Variants in CDH4 observed in about 807,000 individuals in gnomAD.
CDH4 encodes cadherin-4.
Under a neutral mutation model 86.0 loss-of-function variants are expected in CDH4, and 33 were observed. That is an observed-to-expected ratio of 0.38 (90% CI 0.29 to 0.51). The LOEUF (loss-of-function observed/expected upper bound fraction) is 0.51, where lower values mean the gene tolerates loss of function less well. Ranked by LOEUF, CDH4 falls within the 20% of genes least tolerant of loss-of-function variation. CDH4 has a pLI of 0.86. For missense variants in CDH4, 1,114 were observed against 1,307.4 expected (o/e 0.85, Z 2.28); for synonymous variants, 555 against 549.4 (o/e 1.01, Z -0.14).
intron 2 of CDH4, among the ~76,000 whole-genome samples, chr20:61,261,851 G>A (rs983203937): frequency 6.6e-6 from 1 of 152,196 alleles, no homozygotes; most frequent in African/African-American, 2.4e-5. Flanking sequence ...ACTGAAGTGG[G>A]TCTAAACTCT....
intron 2 of CDH4, among the ~76,000 whole-genome samples, chr20:61,423,379 C>G (rs775508553): frequency 1.3e-5 from 2 of 152,170 alleles, no homozygotes; most frequent in African/African-American, 4.8e-5. Flanking sequence ...AATATCATGT[C>G]CCCCTCATTG....
rs1324386709 is a variant in CDH4, at chr20:61,663,651, C to T, written c.170-79912C>T. ...GACCATCTTGGCTGCCCAGGGGAAG[C>T]GGGGACTCGAGGAGAGCAGGGAGTG... On this transcript the variant is annotated intron_variant, in intron 2 of 15. Transcript: ENST00000614565. This position sits in a 1 kb window ranked among gnomAD's most constrained non-coding sequence, Gnocchi z 5.0. 6.6e-6 allele frequency among the ~76,000 whole-genome samples: 1 copy of T among 151,970 alleles called. No homozygotes were observed. The highest frequency in any genetic ancestry group is 1.5e-5 in the Non-Finnish European group (1 of 68,006).
chr20:61,841,090 G>A (rs1241047936), intron 4 of CDH4, among the ~76,000 whole-genome samples: 3 of 152,190 alleles, frequency 2.0e-5, no homozygotes, highest in Non-Finnish European at 4.4e-5. Context: ...GGCTGCTGCA[G>A]ACCCCGTCCC....
At chr20:61,302,560 G>A (rs768220132) in intron 2 of CDH4, among the ~76,000 whole-genome samples, 2 of 151,154 alleles carry the variant, frequency 1.3e-5, no homozygotes, top group Non-Finnish European at 3.0e-5. Flanking sequence ...GGGGGTGGGG[G>A]CAGGGAATCG....
rs776687555 is a variant in CDH4 at position 61,501,918 on chromosome 20, G to A, written c.170-241645G>A. Among the ~76,000 whole-genome samples, 3 of 152,176 alleles carry A rather than the reference G, an allele frequency of 2.0e-5. No homozygotes were observed. Among genetic ancestry groups the A allele is most frequent in the Non-Finnish European group, 2.9e-5 (2 of 68,034 alleles). The stretch of plus-strand genomic sequence containing the variant: ...TCTCCACTCCCCCAGCTCCTCTGAG[G>A]AATGCCTGAGTGAGGACCCCGTGTA... On this transcript the variant is annotated intron_variant, in intron 2 of 15. Coordinates refer to ENST00000614565, the MANE Select transcript of CDH4 (RefSeq NM_001794.5). This position sits in a 1 kb window ranked among gnomAD's most constrained non-coding sequence, Gnocchi z 4.2.
intron 4 of CDH4, among the ~76,000 whole-genome samples, chr20:61,796,799 T>C (rs1228764924): frequency 6.6e-6 from 1 of 152,034 alleles, no homozygotes; most frequent in Non-Finnish European, 1.5e-5. Flanking sequence ...AACTGGAGTA[T>C]GTGAGAACCG....
intron 2 of CDH4, among the ~76,000 whole-genome samples, chr20:61,670,461 G>T (rs771076851): frequency 1.3e-5 from 2 of 152,172 alleles, no homozygotes; most frequent in African/African-American, 4.8e-5. Context: ...CCAGCATCAC[G>T]TGTCCCCTGA....
chr20:61,632,812 C>G (rs909365242), intron 2 of CDH4, among the ~76,000 whole-genome samples: 8 of 149,600 alleles, frequency 5.3e-5, no homozygotes, highest in Non-Finnish European at 1.2e-4. Flanking sequence ...CTGTGCACCA[C>G]CCGCTTCCTC....
At chr20:61,502,299 G>A (rs2085708855) in intron 2 of CDH4, among the ~76,000 whole-genome samples, 1 of 152,122 alleles carries the variant, frequency 6.6e-6, no homozygotes, top group Non-Finnish European at 1.5e-5. Context: ...GCAGCCTGGT[G>A]GTCTACTTTG....
chr20:61,892,929 G>C (rs998940947), intron 7 of CDH4, among the ~76,000 whole-genome samples: 2 of 150,212 alleles, frequency 1.3e-5, no homozygotes, highest in African/African-American at 4.9e-5. Context: ...ATGGTGTATG[G>C]GTAGGTAAGT....
intron 2 of CDH4, among the ~76,000 whole-genome samples, chr20:61,569,934 C>T (rs1188723080): frequency 2.6e-5 from 4 of 152,124 alleles, no homozygotes; most frequent in Non-Finnish European, 4.4e-5. Flanking sequence ...AATTGAGGGC[C>T]TCATTCGAAA....
chr20:61,263,719 G>T (rs1360944608), intron 2 of CDH4, among the ~76,000 whole-genome samples: 1 of 152,192 alleles, frequency 6.6e-6, no homozygotes, highest in African/African-American at 2.4e-5. Context: ...TGGTTCTGAA[G>T]GTCAGAAGTC....
chr20:61,613,862 G>A (rs1175039360), intron 2 of CDH4, among the ~76,000 whole-genome samples: 1 of 151,386 alleles, frequency 6.6e-6, no homozygotes, highest in East Asian at 1.9e-4. Context: ...GGGAGGGGGG[G>A]CTTTGGGGAG....
In CDH4 at chr20:61,807,744, G is replaced by A. The variant is rs1368863621; in HGVS notation, c.576+34562G>A. ...CAAACCGACTCGGAAAATGCCTGGC[G>A]CCAGTAGGAGGCCCAGCTAGCTGGG... On this transcript the variant is annotated intron_variant, in intron 4 of 15. Transcript: ENST00000614565. The surrounding 1 kb of genome is among the most constrained non-coding windows in gnomAD (Gnocchi z 4.5). Among the ~76,000 whole-genome samples, 2 of 152,220 alleles carry A rather than the reference G, an allele frequency of 1.3e-5. No homozygotes were observed. Among genetic ancestry groups the A allele is most frequent in the East Asian group, 1.9e-4 (1 of 5,190 alleles).
intron 2 of CDH4, among the ~76,000 whole-genome samples, chr20:61,275,453 G>A: frequency 2.3e-5 from 3 of 129,428 alleles, no homozygotes; most frequent in Non-Finnish European, 3.2e-5. Flanking sequence ...GCAGTTTGGG[G>A]GAGTACCGTG....
chr20:61,412,411 C>G (rs1203989722), intron 2 of CDH4, among the ~76,000 whole-genome samples: 2 of 152,186 alleles, frequency 1.3e-5, no homozygotes, highest in Non-Finnish European at 2.9e-5. Flanking sequence ...GATCTGCCTC[C>G]TCCCCAGAGT....
chr20:61,290,579 A>G (rs1051118065), intron 2 of CDH4, among the ~76,000 whole-genome samples: 3 of 152,260 alleles, frequency 2.0e-5, no homozygotes, highest in African/African-American at 7.2e-5. Context: ...ACAGCGTGAC[A>G]TGTTGACTAC....
chr20:61,731,286 C>T (rs1376399175), intron 2 of CDH4, among the ~76,000 whole-genome samples: 1 of 152,096 alleles, frequency 6.6e-6, no homozygotes, highest in Non-Finnish European at 1.5e-5. Flanking sequence ...ACCCCTCGGC[C>T]CCCCGGCGGC....
intron 2 of CDH4, among the ~76,000 whole-genome samples, chr20:61,430,998 C>T (rs563174629): frequency 7.2e-5 from 11 of 152,162 alleles, no homozygotes; most frequent in Non-Finnish European, 1.3e-4. Flanking sequence ...GCCTCCTTCC[C>T]GAGGGGCCAC....
Sources: gnomAD v4.1 joint callset for allele counts (sites outside exome capture counted in the v4.1 genomes callset) on GRCh38, gnomAD v4.1.1 for gene constraint, Gnocchi (gnomAD v3.1) non-coding constraint, MANE v1.5 for transcripts, NCBI Gene and HGNC (gene_info 2026-07-23, HGNC 2026-07-21) for gene names.